Variants in GHR observed in about 807,000 individuals in gnomAD.
GHR encodes GH receptor.
GHR carries 35 observed loss-of-function variants against 67.1 expected under a neutral mutation model. That is an observed-to-expected ratio of 0.52 (90% CI 0.40 to 0.69). The LOEUF (loss-of-function observed/expected upper bound fraction) is 0.69, where lower values mean the gene tolerates loss of function less well. Ranked by LOEUF, GHR falls within the 30% of genes least tolerant of loss-of-function variation. GHR has a pLI of 0.00. For missense variants in GHR, 792 were observed against 764.6 expected (o/e 1.04, Z -0.42); for synonymous variants, 272 against 269.1 (o/e 1.01, Z -0.10).
intron 6 of GHR, among the ~76,000 whole-genome samples, chr5:42,708,988 C>G (rs1464296392): frequency 1.3e-5 from 2 of 152,130 alleles, no homozygotes; most frequent in Non-Finnish European, 2.9e-5. Context: ...TTATTTATCT[C>G]TTGAAGAAAC....
intron 9 of GHR, 104 bp downstream of exon 9, chr5:42,718,225 T>A: frequency 1.3e-6 from 1 of 753,338 alleles, no homozygotes; most frequent in Non-Finnish European, 2.3e-6. Context: ...CACATTCAAT[T>A]TTCTTGTGTC....
chr5:42,639,476 C>CTTT (rs892212933), intron 3 of GHR, among the ~76,000 whole-genome samples: 23 of 152,240 alleles, frequency 1.5e-4, no homozygotes, highest in African/African-American at 5.1e-4. Flanking sequence ...GAAAAGCAGC[C>CTTT]TTTTTTCTTT....
intron 4 of GHR, 151 bp downstream of exon 4, chr5:42,689,170 T>G (rs746598427): frequency 9.2e-5 from 73 of 793,168 alleles, no homozygotes; most frequent in Non-Finnish European, 1.3e-4. Flanking sequence ...AAAATATTAA[T>G]CAAGCCCATC....
chr5:42,441,159 T>G (rs1005734056), intron 1 of GHR, among the ~76,000 whole-genome samples: 2 of 152,086 alleles, frequency 1.3e-5, no homozygotes, highest in Non-Finnish European at 2.9e-5. Flanking sequence ...CCATGAGAAC[T>G]CCAACATTTA....
At chr5:42,686,559 C>G (rs1022763135) in intron 3 of GHR, among the ~76,000 whole-genome samples, 1 of 152,188 alleles carries the variant, frequency 6.6e-6, no homozygotes, top group Non-Finnish European at 1.5e-5. Flanking sequence ...ATCACAGAAA[C>G]AGAACCAGTG....
chr5:42,487,091 G>A (rs1745918975), intron 1 of GHR, among the ~76,000 whole-genome samples: 2 of 152,194 alleles, frequency 1.3e-5, no homozygotes, highest in African/African-American at 2.4e-5. Flanking sequence ...GCAGTTGGAG[G>A]AGGAGTAGGG....
chr5:42,672,342 C>A (rs377255682), intron 3 of GHR, among the ~76,000 whole-genome samples: 2 of 152,158 alleles, frequency 1.3e-5, no homozygotes, highest in African/African-American at 4.8e-5. Flanking sequence ...CATTTCTATA[C>A]AGCAATAGTG....
intron 2 of GHR, among the ~76,000 whole-genome samples, chr5:42,621,545 G>A (rs1169162813): frequency 6.6e-6 from 1 of 152,144 alleles, no homozygotes; most frequent in Non-Finnish European, 1.5e-5. Context: ...GTCCCTCTAA[G>A]CCAGAGATAG....
chr5:42,718,375 C>G, intron 9 of GHR, 78 bp from the exon 10 acceptor site: 1 of 1,085,330 alleles, frequency 9.2e-7, no homozygotes, highest in Non-Finnish European at 1.4e-6. Flanking sequence ...CATAATTAAT[C>G]TCTGAACATT....
At chr5:42,516,218 T>C (rs1019817733) in intron 1 of GHR, among the ~76,000 whole-genome samples, 14 of 152,216 alleles carry the variant, frequency 9.2e-5, no homozygotes, top group Admixed American at 9.2e-4. Context: ...CACCTTGATT[T>C]CCACCTTTAA....
chr5:42,713,671 A>G, intron 8 of GHR, 152 bp downstream of exon 8: 1 of 629,902 alleles, frequency 1.6e-6, no homozygotes, highest in South Asian at 1.8e-5. Flanking sequence ...TATATTTACC[A>G]TTCATATAAA....
At chr5:42,682,563 G>A (rs1370032404) in intron 3 of GHR, among the ~76,000 whole-genome samples, 4 of 152,170 alleles carry the variant, frequency 2.6e-5, no homozygotes, top group Non-Finnish European at 5.9e-5. Flanking sequence ...GGAATGCTGA[G>A]TGTCTTCAGC....
intron 1 of GHR, among the ~76,000 whole-genome samples, chr5:42,433,110 G>A (rs1743165894): frequency 6.6e-6 from 1 of 152,160 alleles, no homozygotes; most frequent in South Asian, 2.1e-4. Flanking sequence ...GAAGTTTTTA[G>A]TACTTGGAGC....
intron 2 of GHR, among the ~76,000 whole-genome samples, chr5:42,617,752 A>G (rs1313891323): frequency 6.6e-6 from 1 of 152,134 alleles, no homozygotes; most frequent in East Asian, 1.9e-4. Flanking sequence ...CAAGACATCT[A>G]TGGCCAGTGG....
rs112029707 is a variant in GHR at position 42,456,536 on chromosome 5, T to C, written c.-12+32581T>C. Among the ~76,000 whole-genome samples, 379 of 152,206 alleles carry C rather than the reference T, an allele frequency of 2.5e-3. 2 individuals are homozygous for C. The highest frequency in any genetic ancestry group is 8.7e-3 in the African/African-American group (360 of 41,544). On this transcript the variant is annotated intron_variant, in intron 1 of 9. Coordinates refer to ENST00000230882, the MANE Select transcript of GHR (RefSeq NM_000163.5). ...TGTTACCAACATAGAAAAAAAAAGG[T>C]TTCCGGCTTCTCTTGAAAAATGGAA...
intron 1 of GHR, among the ~76,000 whole-genome samples, chr5:42,525,595 GTTTTAAAA>G (rs1223795969): frequency 6.6e-6 from 1 of 152,174 alleles, no homozygotes; most frequent in African/African-American, 2.4e-5. Context: ...GGCATTATTG[GTTTTAAAA>G]TGTGAAGACA....
intron 8 of GHR, among the ~76,000 whole-genome samples, chr5:42,715,542 C>G (rs1758680142): frequency 6.6e-6 from 1 of 152,168 alleles, no homozygotes; most frequent in African/African-American, 2.4e-5. Context: ...TCAAGTCAGG[C>G]TATTATTATA....
At chr5:42,515,285 G>T (rs958984275) in intron 1 of GHR, among the ~76,000 whole-genome samples, 3 of 152,214 alleles carry the variant, frequency 2.0e-5, no homozygotes, top group African/African-American at 7.2e-5. Flanking sequence ...TTAGGCTAGT[G>T]TCTCTTTCAT....
chr5:42,709,271 T>A (rs1758335855), intron 6 of GHR, among the ~76,000 whole-genome samples: 1 of 152,126 alleles, frequency 6.6e-6, no homozygotes, highest in South Asian at 2.1e-4. Flanking sequence ...GTAGCTAGGA[T>A]TACAGGCGCA....
Sources: gnomAD v4.1 joint callset for allele counts (sites outside exome capture counted in the v4.1 genomes callset) on GRCh38, gnomAD v4.1.1 for gene constraint, MANE v1.5 for transcripts, NCBI Gene and HGNC (gene_info 2026-07-23, HGNC 2026-07-21) for gene names.